NGF: variants seen among roughly 807,000 people sequenced by gnomAD.
The protein encoded by NGF is nerve growth factor.
In NGF, 4 loss-of-function variants were observed where a neutral mutation model predicts 12.8. That is an observed-to-expected ratio of 0.31 (90% CI 0.15 to 0.72). NGF has a LOEUF of 0.72. Ranked by LOEUF, NGF falls within the 30% of genes least tolerant of loss-of-function variation. The pLI is 0.69. For missense variants in NGF, 283 were observed against 330.8 expected (o/e 0.86, Z 1.12); for synonymous variants, 140 against 130.0 (o/e 1.08, Z -0.52).
intron 2 of NGF, among the ~76,000 whole-genome samples, chr1:115,289,893 T>TAA (rs2101022531): frequency 2.0e-5 from 3 of 152,262 alleles, no homozygotes; most frequent in African/African-American, 7.2e-5. Flanking sequence ...TTTGGTAGCA[T>TAA]TATCTTGAAA....
chr1:115,333,798 C>CTTT (rs1279624713), intron 1 of NGF, among the ~76,000 whole-genome samples: 1 of 104,474 alleles, frequency 9.6e-6, no homozygotes, highest in African/African-American at 6.6e-5. Flanking sequence ...TCTTTTCTTT[C>CTTT]TTTCTTTCTC....
At chr1:115,323,324 G>C (rs992841682) in intron 1 of NGF, among the ~76,000 whole-genome samples, 22 of 152,128 alleles carry the variant, frequency 1.4e-4, no homozygotes, top group South Asian at 6.2e-4. Flanking sequence ...AAGTTTGAGA[G>C]TACCAAATCT....
At chr1:115,287,712 T>A (rs1014064754) in intron 2 of NGF, among the ~76,000 whole-genome samples, 3 of 151,968 alleles carry the variant, frequency 2.0e-5, no homozygotes, top group Non-Finnish European at 2.9e-5. Context: ...CCTTCCTTCT[T>A]TTCTCCCTCC....
intron 1 of NGF, among the ~76,000 whole-genome samples, chr1:115,337,256 G>GTT (rs1364127314): frequency 4.4e-4 from 12 of 27,204 alleles, no homozygotes; most frequent in African/African-American, 1.2e-3. Flanking sequence ...AATTTTTTTT[G>GTT]TTTTGTTTTT....
chr1:115,297,147 T>G (rs538053916), intron 1 of NGF, among the ~76,000 whole-genome samples: 20 of 152,322 alleles, frequency 1.3e-4, no homozygotes, highest in Admixed American at 5.9e-4. Flanking sequence ...AAATGCAAAT[T>G]CTTGGGTTTT....
chr1:115,301,840 T>C (rs558965129), intron 1 of NGF, among the ~76,000 whole-genome samples: 58 of 152,354 alleles, frequency 3.8e-4, no homozygotes, highest in African/African-American at 1.2e-3. Flanking sequence ...AATGTTTAGC[T>C]ATCACGAAAA....
chr1:115,290,472 T>G (rs1653658640), intron 2 of NGF, among the ~76,000 whole-genome samples: 1 of 138,600 alleles, frequency 7.2e-6, no homozygotes, highest in Admixed American at 7.9e-5. Context: ...CTCGGCTCAC[T>G]GCAGCCTTTG....
chr1:115,318,130 G>A (rs1320402614), intron 1 of NGF, among the ~76,000 whole-genome samples: 5 of 152,080 alleles, frequency 3.3e-5, no homozygotes, highest in African/African-American at 1.2e-4. Flanking sequence ...CCAGAATGGG[G>A]GCTGAAGCTA....
chr1:115,292,031 C>T (rs1006366046), intron 2 of NGF, among the ~76,000 whole-genome samples: 5 of 152,140 alleles, frequency 3.3e-5, no homozygotes, highest in Non-Finnish European at 7.3e-5. Flanking sequence ...CCATCTCATT[C>T]GCCACATTCT....
chr1:115,333,755 TC>T (rs200757360), intron 1 of NGF, among the ~76,000 whole-genome samples: 3 of 104,456 alleles, frequency 2.9e-5, no homozygotes, highest in Admixed American at 2.1e-4. Context: ...CCTTCCTCCC[TC>T]CCCCCTCTCT....
intron 2 of NGF, among the ~76,000 whole-genome samples, chr1:115,293,017 T>G (rs1400858811): frequency 5.3e-5 from 8 of 152,064 alleles, no homozygotes; most frequent in Admixed American, 5.2e-4. Flanking sequence ...AAGACATACC[T>G]TGACATGAAT....
intron 1 of NGF, among the ~76,000 whole-genome samples, chr1:115,316,020 C>T (rs539603378): frequency 6.6e-6 from 1 of 152,298 alleles, no homozygotes; most frequent in African/African-American, 2.4e-5. Context: ...CTACTATGCA[C>T]CCAGGGCTGT....
At chr1:115,337,804 C>T (rs1276754424) in intron 1 of NGF, among the ~76,000 whole-genome samples, 1 of 152,108 alleles carries the variant, frequency 6.6e-6, no homozygotes, top group Non-Finnish European at 1.5e-5. Flanking sequence ...TCCTCCCGCC[C>T]TGGCGCGCCA....
Position 115,286,252 on chromosome 1 carries a change from G to A in NGF, c.544C>T (p.Pro182Ser). Residue 182 changes from proline (P) to serine (S), a missense_variant, in exon 3 of 3, where the codon CCA (proline) becomes TCA (serine). Physicochemically the swap from Pro to Ser is moderately conservative, Grantham distance 74. This residue lies in a region of NGF where 132 missense variants were observed against 189.2 expected (regional missense o/e 0.70). Coordinates refer to ENST00000369512, the MANE Select transcript of NGF (RefSeq NM_002506.3). ...QYFFETKCRD[P>S]NPVDSGCRGI... The stretch of plus-strand genomic sequence containing the variant: ...CGGCACCCGCTGTCAACGGGATTTG[G>A]GTCCCGGCACTTGGTCTCAAAAAAG... 1.2e-6 allele frequency: 2 copies of A among 1,614,168 alleles called. No individual in the cohort carries two copies. The highest frequency in any genetic ancestry group is 1.7e-6 in the Non-Finnish European group (2 of 1,180,034).
rs67307707 is a variant in NGF, at chr1:115,337,267, G to GTTTTTTTTTTTTTTTTTTTTTTTTTTTTT, written c.-137+908_-137+936dup. ...TCGAAATTTTTTTTGTTTTGTTTTT[G>GTTTTTTTTTTTTTTTTTTTTTTTTTTTTT]TTTTTTTTTTTTTTTTTTTTTTTTT... is the stretch of plus-strand genomic sequence containing the variant. On this transcript the variant is annotated intron_variant, in intron 1 of 2. Coordinates refer to ENST00000369512, the MANE Select transcript of NGF (RefSeq NM_002506.3). Among the ~76,000 whole-genome samples the GTTTTTTTTTTTTTTTTTTTTTTTTTTTTT allele has an allele frequency of 7.4e-5, 6 of 81,030 alleles. 1 individual carries two copies. Among genetic ancestry groups the GTTTTTTTTTTTTTTTTTTTTTTTTTTTTT allele is most frequent in the East Asian group, 3.7e-4 (1 of 2,734 alleles). 53.2% of individuals were successfully genotyped at this position (81,030 alleles called of 152,430 possible). A position where few individuals can be genotyped will look rare whatever the true frequency, so the allele number is the denominator to read the frequency against.
intron 1 of NGF, among the ~76,000 whole-genome samples, chr1:115,334,015 A>G (rs961644292): frequency 6.6e-6 from 1 of 152,044 alleles, no homozygotes; most frequent in Admixed American, 6.6e-5. Flanking sequence ...AAATAAACAA[A>G]TAGTTCTATT....
chr1:115,315,983 G>A (rs114874105), intron 1 of NGF, among the ~76,000 whole-genome samples: 2,840 of 152,240 alleles, frequency 0.019, 39 homozygotes, highest in Middle Eastern at 0.037. Flanking sequence ...GCACATCAGC[G>A]GATTAAGCAA....
chr1:115,298,795 G>A (rs529241212), intron 1 of NGF, among the ~76,000 whole-genome samples: 7 of 151,136 alleles, frequency 4.6e-5, no homozygotes, highest in Non-Finnish European at 8.8e-5. Flanking sequence ...AAGATGCCAG[G>A]GCAGCCACAG....
chr1:115,331,550 C>T (rs1654924011), intron 1 of NGF, among the ~76,000 whole-genome samples: 1 of 152,198 alleles, frequency 6.6e-6, no homozygotes, highest in African/African-American at 2.4e-5. Context: ...TTTGTTTGGT[C>T]TGTACCCATG....
Sources: allele counts gnomAD v4.1 joint callset (sites outside exome capture counted in the v4.1 genomes callset), GRCh38; gene constraint gnomAD v4.1.1; regional missense constraint gnomAD v4.1.1; transcripts MANE v1.5; gene names NCBI Gene and HGNC (gene_info 2026-07-23, HGNC 2026-07-21).